Variants in COMMD10 observed in about 807,000 individuals in gnomAD.
The protein encoded by COMMD10 is COMM domain-containing protein 10.
COMMD10 carries 33 observed loss-of-function variants against 28.9 expected under a neutral mutation model. That is an observed-to-expected ratio of 1.14 (90% confidence interval 0.87 to 1.53). COMMD10 has a LOEUF of 1.53. Among genes scored for constraint, COMMD10 ranks in the 40% most tolerant of loss-of-function variants. The pLI is 0.00. For synonymous variants in COMMD10, 110 were observed against 81.7 expected (o/e 1.35, Z -1.87); for missense variants, 310 against 233.4 (o/e 1.33, Z -2.14).
In COMMD10 at chr5:116,132,424, T is replaced by C. The variant is rs78283686; in HGVS notation, c.400-1644T>C. 1.6e-4 allele frequency among the ~76,000 whole-genome samples: 24 copies of C among 152,232 alleles called. No homozygotes were observed. In the East Asian group the frequency reaches 4.4e-3, roughly 28 times the overall value. Reference sequence around the variant, plus strand: ...CATGAACCAAATCATAAACTTCAAATATAGGGTTCTTTTTAATTTGTCTGC... The same window carrying C: ...CATGAACCAAATCATAAACTTCAAACATAGGGTTCTTTTTAATTTGTCTGC... On this transcript the variant is annotated intron_variant, in intron 4 of 6. Transcript: ENST00000274458.
chr5:116,128,669 T>A (rs1256246598), intron 4 of COMMD10, among the ~76,000 whole-genome samples: 4 of 152,020 alleles, frequency 2.6e-5, no homozygotes, highest in Admixed American at 2.6e-4. Context: ...TAACTGTATC[T>A]TGTTTATGTC....
intron 5 of COMMD10, among the ~76,000 whole-genome samples, chr5:116,164,206 A>G (rs1214214113): frequency 6.6e-6 from 1 of 152,154 alleles, no homozygotes; most frequent in African/African-American, 2.4e-5. Context: ...CTATAATCCC[A>G]GCTACCCAGG....
Position 116,092,683 on chromosome 5 carries a change from A to G in COMMD10, c.382A>G (p.Ile128Val), listed in dbSNP as rs1363393717. The change falls in exon 4 of 7, where the codon ATT (isoleucine) becomes GTT (valine). Residue 128 changes from isoleucine (I) to valine (V), a missense_variant. Transcript: ENST00000274458. ...QETVEKFRQR[I>V]LAPCKLETVG... The stretch of plus-strand genomic sequence containing the variant: ...AACAGTTGAAAAGTTCCGGCAGAGA[A>G]TTCTGGCTCCCTGTAAGGTATAGAA... 6.2e-7 allele frequency: 1 copy of G among 1,607,310 alleles called. No homozygotes were observed. Among genetic ancestry groups the G allele is most frequent in the African/African-American group, 1.3e-5 (1 of 74,894 alleles).
chr5:116,131,276 C>G (rs1394558867), intron 4 of COMMD10, among the ~76,000 whole-genome samples: 4 of 151,954 alleles, frequency 2.6e-5, no homozygotes, highest in Non-Finnish European at 4.4e-5. Flanking sequence ...TCAGCTGCTA[C>G]TTTAGCAAAC....
intron 5 of COMMD10, among the ~76,000 whole-genome samples, chr5:116,266,164 G>T (rs1049145373): frequency 1.9e-4 from 29 of 151,696 alleles, no homozygotes; most frequent in Middle Eastern, 6.8e-3. Flanking sequence ...GAGAACAAAG[G>T]CATTGTTTTC....
chr5:116,145,674 A>T (rs1752325379), intron 5 of COMMD10, among the ~76,000 whole-genome samples: 2 of 151,858 alleles, frequency 1.3e-5, no homozygotes, highest in African/African-American at 4.8e-5. Context: ...CACAATCCCC[A>T]CGTGTCAAGG....
intron 5 of COMMD10, among the ~76,000 whole-genome samples, chr5:116,264,539 G>A (rs980629879): frequency 2.6e-5 from 4 of 151,686 alleles, no homozygotes; most frequent in East Asian, 1.9e-4. Context: ...TGATGCGAGC[G>A]CATTAACTAC....
intron 5 of COMMD10, among the ~76,000 whole-genome samples, chr5:116,221,475 C>T (rs1261889750): frequency 6.6e-6 from 1 of 152,140 alleles, no homozygotes; most frequent in South Asian, 2.1e-4. Flanking sequence ...ACACCAGTCC[C>T]TTAATCTTAT....
intron 5 of COMMD10, among the ~76,000 whole-genome samples, chr5:116,172,675 C>T (rs371556757): frequency 6.6e-6 from 1 of 152,190 alleles, no homozygotes; most frequent in South Asian, 2.1e-4. Context: ...TCCAGGGTAT[C>T]TTTTAGAGCA....
At chr5:116,093,058 A>T (rs10076661) in intron 4 of COMMD10, among the ~76,000 whole-genome samples, 33,499 of 152,086 alleles carry the variant, frequency 0.22, 4,578 homozygotes, top group African/African-American at 0.38. Context: ...TGCTGAATAC[A>T]TATTGGTTTC....
intron 5 of COMMD10, among the ~76,000 whole-genome samples, chr5:116,264,901 G>A (rs1205254568): frequency 2.6e-5 from 4 of 151,712 alleles, no homozygotes; most frequent in African/African-American, 9.7e-5. Flanking sequence ...CCATGAATAC[G>A]TTCATGTCCT....
intron 5 of COMMD10, among the ~76,000 whole-genome samples, chr5:116,171,238 C>G (rs962587366): frequency 1.3e-5 from 2 of 152,168 alleles, no homozygotes; most frequent in Admixed American, 6.5e-5. Context: ...AGCTCATCAT[C>G]AGTGGTCATT....
At chr5:116,236,452 C>T (rs370854933) in intron 5 of COMMD10, among the ~76,000 whole-genome samples, 4 of 143,904 alleles carry the variant, frequency 2.8e-5, no homozygotes, top group African/African-American at 7.8e-5. Context: ...TGCGGTGTGC[C>T]GAGATCACAC....
intron 5 of COMMD10, among the ~76,000 whole-genome samples, chr5:116,222,337 C>T (rs1749281150): frequency 6.6e-6 from 1 of 152,102 alleles, no homozygotes; most frequent in African/African-American, 2.4e-5. Flanking sequence ...AAATCTCATC[C>T]TGAAATCTCT....
At position 116,266,409 on chromosome 5, in the gene COMMD10, G is replaced by A. The variant is rs552963850; in HGVS notation, c.511-25108G>A. Among the ~76,000 whole-genome samples, 9 of 151,698 alleles carry A rather than the reference G, an allele frequency of 5.9e-5. No individual in the cohort carries two copies. In the South Asian group the frequency reaches 8.3e-4, roughly 14 times the overall value. On this transcript the variant is annotated intron_variant, in intron 5 of 6. Coordinates refer to ENST00000274458, the MANE Select transcript of COMMD10 (RefSeq NM_016144.4). ...AGTTGCCCAAACTGAAATCCGCAGC[G>A]ATGCTAAGGAATAACATTTATTTCA...
chr5:116,222,450 A>G (rs568025718), intron 5 of COMMD10, among the ~76,000 whole-genome samples: 20 of 152,328 alleles, frequency 1.3e-4, no homozygotes, highest in African/African-American at 4.1e-4. Flanking sequence ...TATTCAAATT[A>G]TATTAAATTG....
chr5:116,276,909 C>T lies in COMMD10; in HGVS notation c.511-14608C>T, dbSNP rs886366408. On this transcript the variant is annotated intron_variant, in intron 5 of 6. Coordinates refer to ENST00000274458, the MANE Select transcript of COMMD10 (RefSeq NM_016144.4). ...GAGTTGGTGGATAATAACTAAAGGA[C>T]ATAGGGTATCTTTTTGGGATGATGA... Among the ~76,000 whole-genome samples, 18 of 151,684 alleles carry T rather than the reference C, an allele frequency of 1.2e-4. 2 individuals carry two copies. The highest frequency in any genetic ancestry group is 4.4e-4 in the African/African-American group (18 of 41,090).
At chr5:116,202,642 A>C (rs1414996109) in intron 5 of COMMD10, among the ~76,000 whole-genome samples, 1 of 151,700 alleles carries the variant, frequency 6.6e-6, no homozygotes, top group Admixed American at 6.6e-5. Context: ...GCCAGTGATG[A>C]TGAGCATTTT....
chr5:116,104,469 T>A (rs1750768841), intron 4 of COMMD10, among the ~76,000 whole-genome samples: 2 of 152,210 alleles, frequency 1.3e-5, no homozygotes, highest in African/African-American at 2.4e-5. Flanking sequence ...TGTATAGGGA[T>A]GCTTGTGATT....
Sources: allele counts gnomAD v4.1 joint callset (sites outside exome capture counted in the v4.1 genomes callset), GRCh38; gene constraint gnomAD v4.1.1; transcripts MANE v1.5; gene names NCBI Gene and HGNC (gene_info 2026-07-23, HGNC 2026-07-21).